The following AGTPBP1 variants were observed in gnomAD, a reference collection of about 807,000 sequenced individuals.
AGTPBP1 encodes the protein cytosolic carboxypeptidase 1.
Under a neutral mutation model 143.9 loss-of-function variants are expected in AGTPBP1, and 70 were observed. The ratio of observed to expected loss-of-function variants is 0.49; its 90% CI spans 0.40 to 0.59. AGTPBP1 has a LOEUF of 0.59. Among genes scored for constraint, AGTPBP1 ranks in the 20% least tolerant of loss-of-function variants. AGTPBP1 has a pLI of 0.00. For missense variants in AGTPBP1, 1,229 were observed against 1,464.5 expected (o/e 0.84, Z 2.62); for synonymous variants, 463 against 500.2 (o/e 0.93, Z 0.99).
intron 19 of AGTPBP1, 151 bp from the exon 20 acceptor site, chr9:85,589,832 T>A: frequency 1.3e-6 from 1 of 751,338 alleles, no homozygotes; most frequent in Non-Finnish European, 2.1e-6. Flanking sequence ...AGCCTAAACA[T>A]CAGTGTTTGG....
intron 18 of AGTPBP1, among the ~76,000 whole-genome samples, chr9:85,594,588 T>TAA (rs11292909): frequency 2.0e-5 from 3 of 150,370 alleles, no homozygotes; most frequent in Admixed American, 6.6e-5. Context: ...AGACTGTGTT[T>TAA]AAAAAAAAAA....
At chr9:85,675,666 C>A (rs1331530924) in intron 6 of AGTPBP1, among the ~76,000 whole-genome samples, 1 of 152,192 alleles carries the variant, frequency 6.6e-6, no homozygotes, top group East Asian at 1.9e-4. Context: ...CTTTTTTCTA[C>A]CACATGCAAT....
intron 14 of AGTPBP1, among the ~76,000 whole-genome samples, chr9:85,628,187 T>C (rs1831419658): frequency 1.3e-5 from 2 of 152,216 alleles, no homozygotes. Flanking sequence ...GGAAGTCCTA[T>C]ACATCTAAGT....
the AGTPBP1 span, among the ~76,000 whole-genome samples, chr9:85,786,824 A>G: frequency 6.6e-6 from 1 of 152,226 alleles, no homozygotes; most frequent in African/African-American, 2.4e-5. Flanking sequence ...AAATATTTAC[A>G]TTTATAAATA....
At chr9:85,592,204 T>C (rs1226316863) in intron 19 of AGTPBP1, among the ~76,000 whole-genome samples, 1 of 152,008 alleles carries the variant, frequency 6.6e-6, no homozygotes, top group Admixed American at 6.6e-5. Context: ...AATCTTAGCT[T>C]AGAGAACTGT....
At chr9:85,683,310 G>A (rs1286638539) in intron 3 of AGTPBP1, among the ~76,000 whole-genome samples, 1 of 152,038 alleles carries the variant, frequency 6.6e-6, no homozygotes, top group Non-Finnish European at 1.5e-5. Flanking sequence ...AAAATGTTGA[G>A]TTGCAAAATA....
intron 18 of AGTPBP1, among the ~76,000 whole-genome samples, chr9:85,594,282 G>A (rs777616857): frequency 1.3e-5 from 2 of 152,188 alleles, no homozygotes; most frequent in Non-Finnish European, 2.9e-5. Flanking sequence ...TAGCTGACAT[G>A]AAAAGTTATG....
the AGTPBP1 span, among the ~76,000 whole-genome samples, chr9:85,779,551 G>A: frequency 6.6e-6 from 1 of 152,086 alleles, no homozygotes; most frequent in Non-Finnish European, 1.5e-5. Flanking sequence ...TTAAGGGTGG[G>A]TGTGCCTTCC....
intron 25 of AGTPBP1, among the ~76,000 whole-genome samples, chr9:85,569,857 C>G (rs546159424): frequency 5.9e-5 from 9 of 152,280 alleles, no homozygotes; most frequent in African/African-American, 2.2e-4. Flanking sequence ...TCATTCCATA[C>G]TTAAAGACAT....
At chr9:85,802,054 A>C in the AGTPBP1 span, among the ~76,000 whole-genome samples, 1 of 152,000 alleles carries the variant, frequency 6.6e-6, no homozygotes, top group Non-Finnish European at 1.5e-5. Context: ...ACCCTCTGGT[A>C]CCTCAATTAT....
At chr9:85,701,804 A>G (rs1326174121) in intron 2 of AGTPBP1, among the ~76,000 whole-genome samples, 1 of 152,228 alleles carries the variant, frequency 6.6e-6, no homozygotes, top group African/African-American at 2.4e-5. Context: ...TCAATTAGGA[A>G]AGGAAAAAAT....
chr9:85,602,981 G>A (rs1467487082), intron 17 of AGTPBP1, among the ~76,000 whole-genome samples: 1 of 152,220 alleles, frequency 6.6e-6, no homozygotes. Context: ...CTAGCCAGAT[G>A]GGAATTGCCC....
the AGTPBP1 span, among the ~76,000 whole-genome samples, chr9:85,803,770 G>A: frequency 6.6e-6 from 1 of 152,110 alleles, no homozygotes; most frequent in African/African-American, 2.4e-5. Context: ...ATGTCCGTCT[G>A]GCTGTCTTGA....
the AGTPBP1 span, among the ~76,000 whole-genome samples, chr9:85,778,468 G>A: frequency 0.056 from 8,467 of 152,258 alleles, 241 homozygotes; most frequent in Non-Finnish European, 0.061. Context: ...GACACCTCAA[G>A]CACCATTGGA....
At chr9:85,794,198 C>T in the AGTPBP1 span, among the ~76,000 whole-genome samples, 1 of 152,122 alleles carries the variant, frequency 6.6e-6, no homozygotes, top group African/African-American at 2.4e-5. Context: ...CTAATGTATG[C>T]ATGCCCAAAA....
At chr9:85,782,753 G>A in the AGTPBP1 span, among the ~76,000 whole-genome samples, 2 of 152,026 alleles carry the variant, frequency 1.3e-5, no homozygotes, top group Non-Finnish European at 2.9e-5. Context: ...AGTTGCCTGA[G>A]GATAAAGACG....
the AGTPBP1 span, chr9:85,788,079 G>A: frequency 6.6e-6 from 1 of 151,984 alleles, no homozygotes; most frequent in Non-Finnish European, 1.5e-5. Context: ...TTATAAAAAG[G>A]AAAATAGTTT....
chr9:85,556,785 C>T (rs1007734279), intron 25 of AGTPBP1, among the ~76,000 whole-genome samples: 1 of 152,136 alleles, frequency 6.6e-6, no homozygotes, highest in Non-Finnish European at 1.5e-5. Flanking sequence ...AAGTTCTACA[C>T]ATCTACTATA....
At chr9:85,695,682 T>C (rs759133265) in intron 2 of AGTPBP1, among the ~76,000 whole-genome samples, 4 of 152,200 alleles carry the variant, frequency 2.6e-5, no homozygotes, top group Non-Finnish European at 4.4e-5. Context: ...CACATTGAAA[T>C]ATGATGGTTA....
Sources: allele counts gnomAD v4.1 joint callset (sites outside exome capture counted in the v4.1 genomes callset), GRCh38; gene constraint gnomAD v4.1.1; transcripts MANE v1.5; gene names NCBI Gene and HGNC (gene_info 2026-07-23, HGNC 2026-07-21).